Variants in JMJD1C observed in about 807,000 individuals in gnomAD.
The protein encoded by JMJD1C is jumonji domain-containing protein 1C.
JMJD1C carries 31 observed loss-of-function variants against 245.3 expected under a neutral mutation model. The ratio of observed to expected loss-of-function variants is 0.13; its 90% confidence interval spans 0.09 to 0.17. The LOEUF (loss-of-function observed/expected upper bound fraction) is 0.17, where lower values mean the gene tolerates loss of function less well. Among genes scored for constraint, JMJD1C ranks in the 10% least tolerant of loss-of-function variants. The pLI, the probability that JMJD1C is intolerant of heterozygous loss-of-function variation, is 1.00. For missense variants in JMJD1C, 2,691 were observed against 3,000.2 expected (o/e 0.90, Z 2.41); for synonymous variants, 1,057 against 1,017.4 (o/e 1.04, Z -0.74).
chr10:63,268,291 C>G (rs1855874544), intron 2 of JMJD1C, among the ~76,000 whole-genome samples: 1 of 147,748 alleles, frequency 6.8e-6, no homozygotes, highest in Admixed American at 6.7e-5. Flanking sequence ...AATTCCCACC[C>G]AAGCAGGTCT....
At chr10:63,374,144 A>T (rs1257685380) in intron 2 of JMJD1C, among the ~76,000 whole-genome samples, 1 of 152,170 alleles carries the variant, frequency 6.6e-6, no homozygotes, top group Non-Finnish European at 1.5e-5. Context: ...AAATATGACA[A>T]AAAGGTTATA....
At chr10:63,521,564 T>A in intron 1 of JMJD1C, 2 of 1,430,102 alleles carry the variant, frequency 1.4e-6, no homozygotes, top group Non-Finnish European at 1.9e-6. Flanking sequence ...CTGGATGATC[T>A]CCAGAGCCGT....
intron 1 of JMJD1C, among the ~76,000 whole-genome samples, chr10:63,403,565 G>A (rs1948991014): frequency 6.6e-6 from 1 of 152,188 alleles, no homozygotes; most frequent in African/African-American, 2.4e-5. Context: ...ACAACAAAAG[G>A]ACTTAACAAA....
intron 2 of JMJD1C, among the ~76,000 whole-genome samples, chr10:63,362,338 T>A (rs1564834338): frequency 6.6e-6 from 1 of 151,984 alleles, no homozygotes; most frequent in Non-Finnish European, 1.5e-5. Flanking sequence ...CATTATCTAC[T>A]CAACAGCTAA....
chr10:63,494,244 G>C (rs1054407557), intron 1 of JMJD1C, among the ~76,000 whole-genome samples: 7 of 151,976 alleles, frequency 4.6e-5, no homozygotes, highest in African/African-American at 1.7e-4. Context: ...CCGGGAGGCA[G>C]AGGTTGCGGT....
intron 3 of JMJD1C, among the ~76,000 whole-genome samples, chr10:63,253,821 C>T (rs985810310): frequency 2.6e-5 from 4 of 152,162 alleles, no homozygotes; most frequent in African/African-American, 9.7e-5. Context: ...CTAACAATAC[C>T]TCCGCATCCC....
chr10:63,191,216 C>T lies in JMJD1C; in HGVS notation c.6077-108G>A, dbSNP rs373647375. 8.6e-5 allele frequency: 66 copies of T among 767,438 alleles called. No homozygotes were observed. The East Asian group carries it at 1.2e-3, about 14-fold the overall frequency. 47.5% of individuals were successfully genotyped at this position (767,438 alleles called of 1,614,324 possible). On this transcript the variant is annotated intron_variant, in intron 16 of 25. Transcript: ENST00000399262. ...GCGTGACCTCGGCTCACTGCAACCT[C>T]TGCCTCCCAGGTTCAAGTGGTTCTC...
intron 10 of JMJD1C, chr10:63,204,476 G>A (rs1385673082): frequency 3.0e-6 from 3 of 985,028 alleles, no homozygotes; most frequent in Admixed American, 6.2e-5. Context: ...ATTAAAACCT[G>A]GAAGGTACCT....
chr10:63,521,623 G>T (rs964831045), intron 1 of JMJD1C: 66 of 1,355,146 alleles, frequency 4.9e-5, no homozygotes, highest in Non-Finnish European at 5.7e-5. Flanking sequence ...AGGCCCAGGG[G>T]AGCTGTGGGA....
At chr10:63,283,525 C>T (rs1185463244) in intron 2 of JMJD1C, among the ~76,000 whole-genome samples, 2 of 152,128 alleles carry the variant, frequency 1.3e-5, no homozygotes, top group Non-Finnish European at 2.9e-5. Flanking sequence ...CGCCACCACA[C>T]CCAGCTAATT....
At chr10:63,384,359 G>A (rs965245760) in intron 1 of JMJD1C, among the ~76,000 whole-genome samples, 13 of 152,158 alleles carry the variant, frequency 8.5e-5, no homozygotes, top group Non-Finnish European at 5.9e-5. Flanking sequence ...ATCCATCAGA[G>A]GAATCACTAT....
rs191358102 is a variant in JMJD1C at position 63,235,945 on chromosome 10, A to G, written c.448-15962T>C. Reference sequence around the variant, plus strand: ...TTATTGTTATTTTTAAAAACAGAAAATGACGTAGCTAAATTAAAACCAGGT... The same window carrying G: ...TTATTGTTATTTTTAAAAACAGAAAGTGACGTAGCTAAATTAAAACCAGGT... On this transcript the variant is annotated intron_variant, in intron 3 of 25. Coordinates refer to ENST00000399262, the MANE Select transcript of JMJD1C (RefSeq NM_032776.3). Among the ~76,000 whole-genome samples, 4 of 152,368 alleles carry G rather than the reference A, an allele frequency of 2.6e-5. No individual in the cohort carries two copies. The East Asian group carries it at 5.8e-4, about 22-fold the overall frequency.
intron 1 of JMJD1C, among the ~76,000 whole-genome samples, chr10:63,453,873 G>C (rs1226430943): frequency 6.6e-6 from 1 of 151,936 alleles, no homozygotes; most frequent in Non-Finnish European, 1.5e-5. Flanking sequence ...TGAGTAGCTG[G>C]AACTACACCC....
chr10:63,518,727 G>GAC (rs1470922213), intron 1 of JMJD1C, among the ~76,000 whole-genome samples: 1 of 152,190 alleles, frequency 6.6e-6, no homozygotes, highest in Non-Finnish European at 1.5e-5. Context: ...AAGACATGGG[G>GAC]ACACTTTGTT....
chr10:63,518,603 A>G (rs1955100622), intron 1 of JMJD1C, among the ~76,000 whole-genome samples: 1 of 152,222 alleles, frequency 6.6e-6, no homozygotes, highest in African/African-American at 2.4e-5. Flanking sequence ...TGCATGTGGA[A>G]ACAGACTCAG....
At chr10:63,340,691 T>A (rs748714242) in intron 2 of JMJD1C, among the ~76,000 whole-genome samples, 1 of 152,158 alleles carries the variant, frequency 6.6e-6, no homozygotes, top group Non-Finnish European at 1.5e-5. Context: ...ACCCCTGTAA[T>A]CCCAGCACTT....
intron 10 of JMJD1C, chr10:63,204,488 T>G: frequency 5.1e-6 from 5 of 985,312 alleles, no homozygotes; most frequent in Non-Finnish European, 6.0e-6. Flanking sequence ...AAGGTACCTA[T>G]CTTTTGTTTT....
At chr10:63,424,503 T>TC (rs756209596) in intron 1 of JMJD1C, among the ~76,000 whole-genome samples, 2 of 144,544 alleles carry the variant, frequency 1.4e-5, no homozygotes, top group Non-Finnish European at 3.1e-5. Flanking sequence ...ATTTCTTTTT[T>TC]TTTTTTTTTT....
intron 1 of JMJD1C, among the ~76,000 whole-genome samples, chr10:63,437,958 G>A (rs897663510): frequency 6.6e-6 from 1 of 152,058 alleles, no homozygotes; most frequent in African/African-American, 2.4e-5. Context: ...CTGCTCCAGG[G>A]TTTAACACTT....
Sources: allele counts gnomAD v4.1 joint callset (sites outside exome capture counted in the v4.1 genomes callset), GRCh38; gene constraint gnomAD v4.1.1; transcripts MANE v1.5; gene names NCBI Gene and HGNC (gene_info 2026-07-23, HGNC 2026-07-21).